Variants in TLL1 observed in about 807,000 individuals in gnomAD.
TLL1 encodes the protein tolloid like 1.
In TLL1, 49 loss-of-function variants were observed where a neutral mutation model predicts 128.2. That is an observed-to-expected ratio of 0.38 (90% CI 0.30 to 0.48). The LOEUF is 0.48. TLL1 is among the 20% of genes least tolerant of loss of function. The pLI, the probability that TLL1 is intolerant of heterozygous loss-of-function variation, is 0.96. For synonymous variants in TLL1, 454 were observed against 418.8 expected (o/e 1.08, Z -1.03); for missense variants, 1,123 against 1,242.0 (o/e 0.90, Z 1.44).
intron 18 of TLL1, 143 bp downstream of exon 18, chr4:166,078,173 C>T: frequency 3.1e-6 from 4 of 1,307,632 alleles, no homozygotes; most frequent in Middle Eastern, 3.9e-4. Context: ...TGCTTTCCTA[C>T]TTGCACTAAA....
At chr4:165,997,145 AT>A (rs1223267432) in intron 5 of TLL1, among the ~76,000 whole-genome samples, 1 of 151,956 alleles carries the variant, frequency 6.6e-6, no homozygotes, top group Non-Finnish European at 1.5e-5. Context: ...AAAACATCAT[AT>A]TTCATGATGA....
At chr4:166,066,599 G>A (rs6536943) in intron 16 of TLL1, among the ~76,000 whole-genome samples, 77,792 of 151,616 alleles carry the variant, frequency 0.51, 23,035 homozygotes, top group African/African-American at 0.84. Flanking sequence ...ATGTTTTAAT[G>A]TTAGGTAATT....
intron 1 of TLL1, among the ~76,000 whole-genome samples, chr4:165,946,463 G>A (rs1734253537): frequency 6.6e-6 from 1 of 151,120 alleles, no homozygotes; most frequent in Non-Finnish European, 1.5e-5. Context: ...CTCCCAAGTA[G>A]CTGGGACTAG....
At chr4:165,951,053 C>T (rs1734490325) in intron 1 of TLL1, among the ~76,000 whole-genome samples, 1 of 151,744 alleles carries the variant, frequency 6.6e-6, no homozygotes. Flanking sequence ...ATTACAAATA[C>T]CAGGAATGAA....
intron 1 of TLL1, among the ~76,000 whole-genome samples, chr4:165,965,916 C>T (rs142350820): frequency 4.6e-5 from 7 of 152,096 alleles, no homozygotes. Context: ...TGCAGTGGCT[C>T]ACACTTGTAA....
chr4:166,037,963 G>T (rs1739075224), intron 9 of TLL1, among the ~76,000 whole-genome samples: 1 of 152,096 alleles, frequency 6.6e-6, no homozygotes, highest in Non-Finnish European at 1.5e-5. Flanking sequence ...TTGGTGTACA[G>T]TTTCATCACT....
intron 1 of TLL1, among the ~76,000 whole-genome samples, chr4:165,923,431 T>TTTTTTTTTTTTTTTTG (rs1733131195): frequency 9.0e-6 from 1 of 111,174 alleles, no homozygotes; most frequent in Admixed American, 9.7e-5. Context: ...CTTTTTTTTT[T>TTTTTTTTTTTTTTTTG]TTTTTTTTTT....
chr4:165,924,446 A>C (rs1388901245), intron 1 of TLL1, among the ~76,000 whole-genome samples: 1 of 152,220 alleles, frequency 6.6e-6, no homozygotes, highest in Non-Finnish European at 1.5e-5. Context: ...CTTAAGCCAA[A>C]GCCTAATCCA....
chr4:165,911,858 A>G (rs1732545609), intron 1 of TLL1, among the ~76,000 whole-genome samples: 1 of 151,928 alleles, frequency 6.6e-6, no homozygotes, highest in African/African-American at 2.4e-5. Flanking sequence ...AAATTAAGTC[A>G]ATGGTGTTTT....
chr4:166,050,090 T>A (rs984341130), intron 12 of TLL1, among the ~76,000 whole-genome samples: 1 of 152,194 alleles, frequency 6.6e-6, no homozygotes. Context: ...CTTAACCAGT[T>A]GTTAAGTGTA....
chr4:165,969,419 G>A (rs1735534453), intron 1 of TLL1, among the ~76,000 whole-genome samples: 2 of 152,088 alleles, frequency 1.3e-5, no homozygotes, highest in Admixed American at 1.3e-4. Context: ...CATCAGGATT[G>A]CTGTATCTTT....
intron 18 of TLL1, among the ~76,000 whole-genome samples, chr4:166,089,408 A>G (rs1047872697): frequency 3.3e-5 from 5 of 152,144 alleles, no homozygotes; most frequent in African/African-American, 1.2e-4. Flanking sequence ...GAGGTTGGCC[A>G]TAAACGTCAG....
At chr4:165,961,186 T>C (rs1340713640) in intron 1 of TLL1, among the ~76,000 whole-genome samples, 1 of 151,914 alleles carries the variant, frequency 6.6e-6, no homozygotes, top group Admixed American at 6.6e-5. Context: ...ATGTTCAAGC[T>C]GAGAACTAAG....
At chr4:165,994,328 G>C (rs1209691930) in intron 3 of TLL1, 53 bp from the exon 4 acceptor site, 1 of 1,610,584 alleles carries the variant, frequency 6.2e-7, no homozygotes, top group Admixed American at 1.7e-5. Flanking sequence ...AGAGGTAAAT[G>C]ATTCCCTGAC....
intron 5 of TLL1, among the ~76,000 whole-genome samples, chr4:165,998,591 A>G (rs1375125109): frequency 6.6e-6 from 1 of 152,044 alleles, no homozygotes; most frequent in Non-Finnish European, 1.5e-5. Flanking sequence ...CAGGAGCTCA[A>G]GACCATCCTG....
chr4:166,098,012 C>T (rs568480885), intron 19 of TLL1, among the ~76,000 whole-genome samples: 162 of 152,086 alleles, frequency 1.1e-3, no homozygotes, highest in Middle Eastern at 3.4e-3. Context: ...GGCTTTCTGC[C>T]TTTATTTAAT....
chr4:166,027,223 C>T (rs1470201054), intron 9 of TLL1, among the ~76,000 whole-genome samples: 5 of 152,052 alleles, frequency 3.3e-5, no homozygotes, highest in Non-Finnish European at 7.4e-5. Context: ...GAGTAATAGA[C>T]ACTGAAGACT....
chr4:166,089,555 C>T (rs924909085), intron 18 of TLL1, among the ~76,000 whole-genome samples: 2 of 152,148 alleles, frequency 1.3e-5, no homozygotes, highest in Non-Finnish European at 2.9e-5. Flanking sequence ...TCAGTTATCA[C>T]CTGCTTTGCA....
intron 1 of TLL1, among the ~76,000 whole-genome samples, chr4:165,980,440 C>T (rs534827590): frequency 6.6e-6 from 1 of 152,206 alleles, no homozygotes; most frequent in Non-Finnish European, 1.5e-5. Flanking sequence ...TTAGTGATCT[C>T]TTGTGAAGTA....
Sources: gnomAD v4.1 joint callset for allele counts (sites outside exome capture counted in the v4.1 genomes callset) on GRCh38, gnomAD v4.1.1 for gene constraint, MANE v1.5 for transcripts, NCBI Gene and HGNC (gene_info 2026-07-23, HGNC 2026-07-21) for gene names.